Variants in COL6A6 observed in about 807,000 individuals in gnomAD.
COL6A6 encodes collagen type VI alpha 6 chain.
In COL6A6, 183 loss-of-function variants were observed where a neutral mutation model predicts 208.6. The observed-to-expected ratio is 0.88, with a 90% CI of 0.78 to 0.99. COL6A6 has a LOEUF of 0.99. Among genes scored for constraint, COL6A6 ranks in the 50% least tolerant of loss-of-function variants. COL6A6 has a pLI of 0.00. For missense variants in COL6A6, 2,816 were observed against 2,815.2 expected (o/e 1.00, Z -0.01); for synonymous variants, 973 against 1,011.8 (o/e 0.96, Z 0.73).
chr3:130,566,870 G>T lies in COL6A6; in HGVS notation c.1451G>T (p.Trp484Leu), dbSNP rs753943734. ...GGGGCCGTTCAGTATGCTGACAGCT[G>T]GGACTTGGAATTTGAGATCAATAAA... Reference protein sequence around the residue: ...RVGAVQYADSWDLEFEINKYS... With the variant: ...RVGAVQYADSLDLEFEINKYS... The change falls in exon 5 of 37, where the codon TGG becomes TTG. Residue 484 changes from tryptophan to leucine, a missense_variant. Coordinates refer to ENST00000358511, the MANE Select transcript of COL6A6 (RefSeq NM_001102608.3). 4.3e-6 allele frequency: 7 copies of T among 1,613,986 alleles called. No homozygotes were observed. In the Admixed American group the frequency reaches 1.0e-4, roughly 23 times the overall value.
chr3:130,653,436 A>G (rs2065701594), intron 33 of COL6A6, among the ~76,000 whole-genome samples: 1 of 152,206 alleles, frequency 6.6e-6, no homozygotes. Flanking sequence ...TTGTTTATAT[A>G]TAATTGTCTA....
rs929829827 is a variant in COL6A6, at chr3:130,601,840, A to T, written c.4653+2030A>T. Among the ~76,000 whole-genome samples, 10 of 152,366 alleles carry T rather than the reference A, an allele frequency of 6.6e-5. No individual in the cohort carries two copies. In the South Asian group the frequency reaches 1.4e-3, roughly 22 times the overall value. On this transcript the variant is annotated intron_variant, in intron 20 of 36. Transcript: ENST00000358511. ...CAGCTTCAAGCTGCAAGTAATGACA[A>T]ATGCCGGCCAACTGTTTTTAAATCT...
rs143934915 is a variant in COL6A6 at position 130,552,618 on chromosome 3, A to C, written c.-31-7716A>C. Among the ~76,000 whole-genome samples the C allele has an allele frequency of 4.7e-3, 715 of 152,232 alleles. 6 individuals carry two copies. Among genetic ancestry groups the C allele is most frequent in the African/African-American group, 0.016 (673 of 41,542 alleles). ...TCCAACTTGCCACTCTCTGCCTTTT[A>C]ATTGGGGGCATTTAGCCTGTTTACA... On this transcript the variant is annotated intron_variant, in intron 1 of 36. Coordinates refer to ENST00000358511, the MANE Select transcript of COL6A6 (RefSeq NM_001102608.3).
rs2063231651 is a variant in COL6A6 at position 130,574,020 on chromosome 3, T to C, written c.3042T>C (p.Asn1014=). Residue 1014 remains asparagine (N), a synonymous_variant, in exon 8 of 37, where the codon AAT becomes AAC. Transcript: ENST00000358511. ...ATGGTTCAACTAGCATTCAGCCAAA[T>C]GACTTCAAGAAAATGAAGGAATTTC... ...LMDGSTSIQP[N]DFKKMKEFLA... 5 of 1,613,892 alleles carry C rather than the reference T, an allele frequency of 3.1e-6. No individual in the cohort carries two copies. In the East Asian group the frequency reaches 1.1e-4, roughly 36 times the overall value.
At chr3:130,564,937 C>A in intron 3 of COL6A6, 57 bp from the exon 4 acceptor site, 1 of 1,577,014 alleles carries the variant, frequency 6.3e-7, no homozygotes, top group South Asian at 1.2e-5. Context: ...TTCTAATGCT[C>A]ACCAAAGATG....
chr3:130,557,262 T>A (rs2062787696), intron 1 of COL6A6, among the ~76,000 whole-genome samples: 1 of 152,238 alleles, frequency 6.6e-6, no homozygotes, highest in Non-Finnish European at 1.5e-5. Flanking sequence ...AAGCTCCTTT[T>A]TGTAATTCCA....
intron 18 of COL6A6, among the ~76,000 whole-genome samples, chr3:130,598,045 A>G (rs1257154193): frequency 6.6e-6 from 1 of 152,190 alleles, no homozygotes; most frequent in East Asian, 1.9e-4. Flanking sequence ...TGGCAGTAAC[A>G]AGAGGGATTT....
At chr3:130,554,738 G>T (rs1299150243) in intron 1 of COL6A6, among the ~76,000 whole-genome samples, 1 of 152,172 alleles carries the variant, frequency 6.6e-6, no homozygotes, top group African/African-American at 2.4e-5. Context: ...GTGCATGCAT[G>T]TTGGCAAAGT....
chr3:130,609,952 CTT>C (rs1054764231), intron 22 of COL6A6, among the ~76,000 whole-genome samples: 9,967 of 116,156 alleles, frequency 0.086, 600 homozygotes, highest in Admixed American at 0.25. Flanking sequence ...GGAAAGCTCA[CTT>C]TTTTTTTTTT....
At chr3:130,545,271 A>C (rs2062463290) in intron 1 of COL6A6, among the ~76,000 whole-genome samples, 1 of 152,140 alleles carries the variant, frequency 6.6e-6, no homozygotes, top group Admixed American at 6.5e-5. Context: ...CTATTTATTG[A>C]AGAGACTATC....
chr3:130,598,988 C>T (rs1349928508), intron 19 of COL6A6, among the ~76,000 whole-genome samples: 1 of 152,022 alleles, frequency 6.6e-6, no homozygotes, highest in African/African-American at 2.4e-5. Context: ...GATGACTGTA[C>T]CTAGGAAAGA....
At chr3:130,592,266 G>C (rs1322536571) in intron 13 of COL6A6, among the ~76,000 whole-genome samples, 1 of 152,186 alleles carries the variant, frequency 6.6e-6, no homozygotes, top group African/African-American at 2.4e-5. Context: ...AGTATGACTA[G>C]ATATGTTAAG....
chr3:130,538,827 T>A (rs1234199829), intron 1 of COL6A6, among the ~76,000 whole-genome samples: 1 of 152,192 alleles, frequency 6.6e-6, no homozygotes, highest in Non-Finnish European at 1.5e-5. Flanking sequence ...TCCTATCCCC[T>A]GCTCAGAATT....
intron 1 of COL6A6, among the ~76,000 whole-genome samples, chr3:130,527,916 G>GGTT (rs140060412): frequency 3.2e-4 from 13 of 40,718 alleles, no homozygotes; most frequent in Non-Finnish European, 6.3e-4. Context: ...TTTTTTTTTT[G>GGTT]GTTGTTGTTG....
intron 1 of COL6A6, among the ~76,000 whole-genome samples, chr3:130,554,288 C>T (rs2062715931): frequency 6.6e-6 from 1 of 152,212 alleles, no homozygotes; most frequent in South Asian, 2.1e-4. Context: ...TGGAGTGGGG[C>T]TGCTGGCATT....
At chr3:130,636,566 A>T (rs1390395037) in intron 28 of COL6A6, among the ~76,000 whole-genome samples, 9 of 152,150 alleles carry the variant, frequency 5.9e-5, no homozygotes, top group Non-Finnish European at 1.5e-5. Context: ...GAATTTTAAA[A>T]GTCTGATAAA....
At chr3:130,520,291 C>T (rs1710988246) in intron 1 of COL6A6, among the ~76,000 whole-genome samples, 1 of 152,168 alleles carries the variant, frequency 6.6e-6, no homozygotes, top group South Asian at 2.1e-4. Context: ...AAAAGCTACG[C>T]TAAGTTTTTC....
At chr3:130,536,237 TCA>T (rs1214353369) in intron 1 of COL6A6, among the ~76,000 whole-genome samples, 2 of 152,226 alleles carry the variant, frequency 1.3e-5, no homozygotes, top group East Asian at 3.8e-4. Flanking sequence ...TCCTTTAAAG[TCA>T]CACTCAAGTC....
chr3:130,651,185 T>C (rs1350614867), intron 33 of COL6A6, among the ~76,000 whole-genome samples: 1 of 152,140 alleles, frequency 6.6e-6, no homozygotes, highest in African/African-American at 2.4e-5. Flanking sequence ...CCCAGCATTT[T>C]GGGAGGCTGA....
Sources: gnomAD v4.1 joint callset for allele counts (sites outside exome capture counted in the v4.1 genomes callset) on GRCh38, gnomAD v4.1.1 for gene constraint, MANE v1.5 for transcripts, NCBI Gene and HGNC (gene_info 2026-07-23, HGNC 2026-07-21) for gene names.